MAN1A2: variants seen among roughly 807,000 people sequenced by gnomAD.
The protein encoded by MAN1A2 is mannosidase alpha class 1A member 2, also known as mannosyl-oligosaccharide 1,2-alpha-mannosidase IB.
A neutral mutation model predicts 75.7 loss-of-function variants in MAN1A2; 26 were observed. That is an observed-to-expected ratio of 0.34 (90% CI 0.25 to 0.48). The LOEUF is 0.48. Among genes scored for constraint, MAN1A2 ranks in the 20% least tolerant of loss-of-function variants. MAN1A2 has a pLI of 0.99. For synonymous variants in MAN1A2, 247 were observed against 264.6 expected, an observed-to-expected ratio of 0.93 and a Z score of 0.65; for missense variants, 562 against 775.5, an observed-to-expected ratio of 0.72 and a Z score of 3.27.
At chr1:117,504,815 C>T (rs1039531296) in intron 12 of MAN1A2, among the ~76,000 whole-genome samples, 22 of 151,086 alleles carry the variant, frequency 1.5e-4, no homozygotes, top group Non-Finnish European at 2.7e-4. Flanking sequence ...GAGGAATGTT[C>T]CCCATTTTAG....
chr1:117,484,173 A>G (rs1268300624), intron 8 of MAN1A2, among the ~76,000 whole-genome samples: 1 of 151,926 alleles, frequency 6.6e-6, no homozygotes, highest in Admixed American at 6.6e-5. Context: ...TATATATATT[A>G]TATACTGTAT....
Position 117,522,846 on chromosome 1 carries a change from C to A in MAN1A2, c.1815C>A (p.Ser605=), listed in dbSNP as rs148903556. The change falls in exon 13 of 13, where the codon TCC becomes TCA. Residue 605 remains serine, a synonymous_variant. Transcript: ENST00000356554. ...TCAGATATTTGTATCTGCTGTTCTC[C>A]GGTGATGACCTTTTACCTTTAGACC... ...ETLKYLYLLF[S]GDDLLPLDHW... 1 of 1,610,898 alleles carries A rather than the reference C, an allele frequency of 6.2e-7. No individual in the cohort carries two copies. Among genetic ancestry groups the A allele is most frequent in the Non-Finnish European group, 8.5e-7 (1 of 1,178,136 alleles).
At chr1:117,401,574 T>C (rs972937736) in intron 1 of MAN1A2, among the ~76,000 whole-genome samples, 1 of 152,138 alleles carries the variant, frequency 6.6e-6, no homozygotes, top group Non-Finnish European at 1.5e-5. Context: ...CAAATCTGTG[T>C]GTACACCAGA....
At chr1:117,409,723 A>ATTTGAGGTACTC (rs1366279404) in intron 3 of MAN1A2, among the ~76,000 whole-genome samples, 2 of 151,978 alleles carry the variant, frequency 1.3e-5, no homozygotes, top group Non-Finnish European at 2.9e-5. Flanking sequence ...GCTTAATGTA[A>ATTTGAGGTACTC]TTTGAGGTAC....
At chr1:117,506,274 A>G (rs7531617) in intron 12 of MAN1A2, among the ~76,000 whole-genome samples, 17,069 of 151,520 alleles carry the variant, frequency 0.11, 1,057 homozygotes, top group Non-Finnish European at 0.14. Flanking sequence ...TGTTTTAGCT[A>G]CCAGAGATGG....
chr1:117,472,327 G>A (rs1234678657), intron 8 of MAN1A2, among the ~76,000 whole-genome samples: 1 of 151,838 alleles, frequency 6.6e-6, no homozygotes, highest in African/African-American at 2.4e-5. Context: ...AAATATTAGG[G>A]TATATATATA....
chr1:117,466,341 A>G lies in MAN1A2; in HGVS notation c.1082A>G (p.His361Arg). Residue 361 changes from histidine (H) to arginine (R), a missense_variant, in exon 8 of 13, where the codon CAC becomes CGC. Physicochemically the swap from His to Arg is conservative, Grantham distance 29. Transcript: ENST00000356554. The part of the protein sequence containing the change: ...GDLTYYKKVM[H>R]IRKLLQKMDR... ...TAATTTTATTTTACTCAGGTTATGC[A>G]CATTCGGAAACTACTTCAGAAAATG... 1 of 1,603,640 alleles carries G rather than the reference A, an allele frequency of 6.2e-7. No homozygotes were observed. The highest frequency in any genetic ancestry group is 8.5e-7 in the Non-Finnish European group (1 of 1,172,212).
Position 117,436,451 on chromosome 1 carries a change from A to G in MAN1A2, c.856-5780A>G, listed in dbSNP as rs141198882. On this transcript the variant is annotated intron_variant, in intron 5 of 12. Transcript: ENST00000356554. ...CTACAAGTATTGGAAAAACTTCCAA[A>G]TGGATCCAGCTGCTGCTATAGGAAG... Among the ~76,000 whole-genome samples, 598 of 152,292 alleles carry G rather than the reference A, an allele frequency of 3.9e-3. 1 individual carries two copies. Among genetic ancestry groups the G allele is most frequent in the Non-Finnish European group, 5.5e-3 (374 of 68,012 alleles).
chr1:117,414,756 C>T lies in MAN1A2; in HGVS notation c.699C>T (p.Thr233=), dbSNP rs763057758. 4 of 1,609,628 alleles carry T rather than the reference C, an allele frequency of 2.5e-6. No individual in the cohort carries two copies. In the African/African-American group the frequency reaches 5.4e-5, roughly 22 times the overall value. ...MGATIVDALD[T]LYIMGLHDEF... ...CTACCATAGTAGATGCTTTGGATAC[C>T]CTTTATATCATGGGACTTCATGATG... The change falls in exon 4 of 13, where the codon ACC becomes ACT. Residue 233 remains threonine, a synonymous_variant. Transcript: ENST00000356554.
Position 117,496,837 on chromosome 1 carries a change from G to T in MAN1A2, c.1359G>T (p.Leu453Phe). ...TFIGEWKNGH[L>F]EKKMGHLACF... ...TTGGAGAATGGAAGAATGGGCACTT[G>T]GAAAAAAAGATGGGGCATTTGGCCT... is the stretch of plus-strand genomic sequence containing the variant. Residue 453 changes from leucine to phenylalanine, a missense_variant, in exon 10 of 13, where the codon TTG becomes TTT. Around this residue, in one of 2 missense-constraint regions of MAN1A2, gnomAD observed 434 missense variants for 645.7 expected, o/e 0.67. Transcript: ENST00000356554. The T allele has an allele frequency of 6.2e-7, 1 of 1,612,692 alleles. No individual in the cohort carries two copies. Among genetic ancestry groups the T allele is most frequent in the Non-Finnish European group, 8.5e-7 (1 of 1,179,210 alleles).
At chr1:117,498,196 T>C (rs1231465516) in intron 10 of MAN1A2, among the ~76,000 whole-genome samples, 1 of 151,822 alleles carries the variant, frequency 6.6e-6, no homozygotes, top group African/African-American at 2.4e-5. Context: ...AATTAAATTA[T>C]CGTGTTGATA....
chr1:117,479,156 T>C (rs893998907), intron 8 of MAN1A2, among the ~76,000 whole-genome samples: 2 of 151,872 alleles, frequency 1.3e-5, no homozygotes, highest in African/African-American at 4.8e-5. Context: ...CACTCACTTA[T>C]AAGTGAGAAC....
intron 1 of MAN1A2, among the ~76,000 whole-genome samples, chr1:117,373,258 C>CT (rs1212135886): frequency 2.6e-5 from 4 of 151,866 alleles, no homozygotes; most frequent in Middle Eastern, 3.4e-3. Flanking sequence ...TCTTCTGGAC[C>CT]TTTTTTTTCT....
chr1:117,465,041 C>T (rs1570765701), intron 7 of MAN1A2, among the ~76,000 whole-genome samples: 1 of 152,178 alleles, frequency 6.6e-6, no homozygotes, highest in East Asian at 1.9e-4. Context: ...GCCTTCATCT[C>T]TGTAGAACAA....
chr1:117,465,934 G>T (rs1049188154), intron 7 of MAN1A2, among the ~76,000 whole-genome samples: 1 of 151,948 alleles, frequency 6.6e-6, no homozygotes, highest in Admixed American at 6.6e-5. Context: ...AAAATACAAT[G>T]GCATTTTATG....
rs1349022510 is a variant in MAN1A2 at position 117,523,887 on chromosome 1, G to T, written c.*930G>T. The T allele has an allele frequency of 6.6e-6, 1 of 151,948 alleles. No individual in the cohort carries two copies. The highest frequency in any genetic ancestry group is 1.5e-5 in the Non-Finnish European group (1 of 67,830). 9.4% of individuals were successfully genotyped at this position (151,948 alleles called of 1,614,324 possible). On this transcript the variant is annotated 3_prime_UTR_variant, in exon 13 of 13. Coordinates refer to ENST00000356554, the MANE Select transcript of MAN1A2 (RefSeq NM_006699.5). ...TCACTTTAATTTCATAATAAAGTTA[G>T]TAGAGTCACTCAACTTACAACTTTA...
chr1:117,426,533 T>C (rs1648379856), intron 5 of MAN1A2, among the ~76,000 whole-genome samples: 1 of 152,162 alleles, frequency 6.6e-6, no homozygotes, highest in African/African-American at 2.4e-5. Flanking sequence ...ACCTACCAAA[T>C]ATCATAGCTT....
intron 8 of MAN1A2, among the ~76,000 whole-genome samples, 180 bp downstream of exon 8, chr1:117,466,607 T>C (rs1286933774): frequency 6.6e-6 from 1 of 152,150 alleles, no homozygotes; most frequent in Non-Finnish European, 1.5e-5. Context: ...TTCCCACTTA[T>C]AAAATGGAAA....
intron 1 of MAN1A2, among the ~76,000 whole-genome samples, chr1:117,389,061 C>T (rs1653634857): frequency 6.6e-6 from 1 of 152,108 alleles, no homozygotes. Context: ...TCCACTTCAA[C>T]TTTTATCCTT....
Sources: allele counts gnomAD v4.1 joint callset (sites outside exome capture counted in the v4.1 genomes callset), GRCh38; gene constraint gnomAD v4.1.1; regional missense constraint gnomAD v4.1.1; transcripts MANE v1.5; gene names NCBI Gene and HGNC (gene_info 2026-07-23, HGNC 2026-07-21).